The following CSMD1 variants were observed in gnomAD, a reference collection of about 807,000 sequenced individuals.
The protein encoded by CSMD1 is CUB and sushi domain-containing protein 1.
In CSMD1, 213 loss-of-function variants were observed where a neutral mutation model predicts 417.5. The observed-to-expected ratio is 0.51, with a 90% CI of 0.46 to 0.57. The LOEUF (loss-of-function observed/expected upper bound fraction) is 0.57. CSMD1 is among the 20% of genes least tolerant of loss of function. The probability of loss-of-function intolerance (pLI) is 0.00; values close to 1 mark genes in which losing one functional copy is unlikely to be tolerated. For synonymous variants in CSMD1, 2,862 were observed against 1,736.8 expected (o/e 1.65, Z -16.11); for missense variants, 6,923 against 4,529.7 (o/e 1.53, Z -15.17).
chr8:3,589,967 T>TCA (rs59730651), intron 8 of CSMD1, among the ~76,000 whole-genome samples: 1 of 151,652 alleles, frequency 6.6e-6, no homozygotes, highest in African/African-American at 2.4e-5. Flanking sequence ...AAATTTCTGG[T>TCA]GATATTCTTC....
intron 1 of CSMD1, among the ~76,000 whole-genome samples, chr8:4,796,377 T>G (rs574537984): frequency 5.3e-5 from 8 of 152,222 alleles, no homozygotes; most frequent in South Asian, 2.1e-4. Context: ...TAAAGTTTAT[T>G]CCTGATCTCC....
At chr8:4,292,081 G>C (rs1013267322) in intron 3 of CSMD1, among the ~76,000 whole-genome samples, 1 of 152,072 alleles carries the variant, frequency 6.6e-6, no homozygotes, top group African/African-American at 2.4e-5. Flanking sequence ...AAAACACCAA[G>C]GAGATATACC....
At chr8:3,243,380 T>A (rs916321073) in intron 26 of CSMD1, among the ~76,000 whole-genome samples, 1 of 151,758 alleles carries the variant, frequency 6.6e-6, no homozygotes, top group Non-Finnish European at 1.5e-5. Context: ...TAAAGCTGTT[T>A]ATTTCACCTG....
At chr8:4,810,908 G>C (rs1266999202) in intron 1 of CSMD1, among the ~76,000 whole-genome samples, 1 of 152,078 alleles carries the variant, frequency 6.6e-6, no homozygotes. Context: ...AAAATTAACT[G>C]CTACCTCTCC....
chr8:3,838,233 C>T (rs1285874798), intron 5 of CSMD1, among the ~76,000 whole-genome samples: 1 of 151,942 alleles, frequency 6.6e-6, no homozygotes, highest in Non-Finnish European at 1.5e-5. Context: ...TATAGTACAA[C>T]CTGCAGTCAG....
chr8:3,557,913 C>T (rs573158075), intron 10 of CSMD1, among the ~76,000 whole-genome samples: 34 of 152,252 alleles, frequency 2.2e-4, no homozygotes, highest in Non-Finnish European at 4.6e-4. Context: ...ACGGTCAACT[C>T]CCTAAATAAA....
chr8:3,380,986 G>T (rs779270383), intron 18 of CSMD1, among the ~76,000 whole-genome samples: 1 of 151,984 alleles, frequency 6.6e-6, no homozygotes, highest in Non-Finnish European at 1.5e-5. Context: ...TGAATGCACA[G>T]GTATGTGAGA....
chr8:3,117,388 C>A (rs1816936479), intron 42 of CSMD1, among the ~76,000 whole-genome samples: 2 of 152,128 alleles, frequency 1.3e-5, no homozygotes, highest in Non-Finnish European at 2.9e-5. Flanking sequence ...CAGATAAAAA[C>A]TGTGATTTTA....
intron 5 of CSMD1, among the ~76,000 whole-genome samples, chr8:3,896,637 G>C (rs999716956): frequency 6.6e-6 from 1 of 151,818 alleles, no homozygotes; most frequent in Non-Finnish European, 1.5e-5. Context: ...TCAGCCTCCC[G>C]AGTAGCTGGG....
At chr8:3,644,386 T>C (rs1198373532) in intron 7 of CSMD1, among the ~76,000 whole-genome samples, 2 of 152,198 alleles carry the variant, frequency 1.3e-5, no homozygotes, top group Non-Finnish European at 2.9e-5. Context: ...AGTGAGACCC[T>C]GGAGAAGCCC....
At chr8:3,466,807 C>G (rs764206675) in intron 12 of CSMD1, among the ~76,000 whole-genome samples, 12 of 151,990 alleles carry the variant, frequency 7.9e-5, no homozygotes, top group Non-Finnish European at 1.5e-4. Context: ...ATAAAGGTCA[C>G]TTTTATAAGT....
intron 29 of CSMD1, among the ~76,000 whole-genome samples, chr8:3,216,358 G>T (rs1287946072): frequency 6.6e-6 from 1 of 152,096 alleles, no homozygotes; most frequent in Non-Finnish European, 1.5e-5. Flanking sequence ...ATGTACTGAG[G>T]ATCTAGTGAA....
chr8:4,261,553 T>C (rs938139915), intron 3 of CSMD1, among the ~76,000 whole-genome samples: 1 of 152,102 alleles, frequency 6.6e-6, no homozygotes, highest in Non-Finnish European at 1.5e-5. Context: ...TAAGAGTAGA[T>C]CTTTTTATTT....
chr8:3,220,691 C>G (rs1227970594), intron 28 of CSMD1, among the ~76,000 whole-genome samples: 1 of 152,106 alleles, frequency 6.6e-6, no homozygotes, highest in East Asian at 1.9e-4. Context: ...ATTAGCAGAG[C>G]ATGGTGTCGT....
chr8:3,493,794 C>A (rs538978079), intron 10 of CSMD1, 68 bp from the exon 11 acceptor site: 11 of 1,297,692 alleles, frequency 8.5e-6, no homozygotes, highest in East Asian at 2.5e-5. Flanking sequence ...ATAGGTATTG[C>A]AAATATCTAG....
chr8:4,143,603 G>C (rs937347794), intron 3 of CSMD1, among the ~76,000 whole-genome samples: 3 of 151,012 alleles, frequency 2.0e-5, no homozygotes, highest in African/African-American at 7.4e-5. Context: ...TAGTTGTGAT[G>C]CCCATGGCAC....
chr8:4,615,838 T>A (rs1382486038), intron 2 of CSMD1, among the ~76,000 whole-genome samples: 2 of 152,176 alleles, frequency 1.3e-5, no homozygotes, highest in Non-Finnish European at 2.9e-5. Flanking sequence ...AACCTTCCTT[T>A]TTCTGATATA....
chr8:3,960,106 C>A (rs1812221518), intron 5 of CSMD1, among the ~76,000 whole-genome samples: 1 of 152,158 alleles, frequency 6.6e-6, no homozygotes, highest in Non-Finnish European at 1.5e-5. Context: ...TAAGTGGAAA[C>A]ACAGGTTGTT....
At chr8:4,688,400 C>T (rs1011001999) in intron 1 of CSMD1, among the ~76,000 whole-genome samples, 2 of 152,120 alleles carry the variant, frequency 1.3e-5, no homozygotes, top group Non-Finnish European at 2.9e-5. Context: ...CTAATTAATG[C>T]TCTGACACCT....
Sources: allele counts gnomAD v4.1 joint callset (sites outside exome capture counted in the v4.1 genomes callset), GRCh38; gene constraint gnomAD v4.1.1; transcripts MANE v1.5; gene names NCBI Gene and HGNC (gene_info 2026-07-23, HGNC 2026-07-21).